Variants in TPGS2 observed in about 807,000 individuals in gnomAD.
TPGS2 encodes tubulin polyglutamylase complex subunit 2.
In TPGS2, 26 loss-of-function variants were observed where a neutral mutation model predicts 31.1. The ratio of observed to expected loss-of-function variants is 0.84; its 90% CI spans 0.61 to 1.16. TPGS2 has a LOEUF of 1.16. Among genes scored for constraint, TPGS2 ranks in the 50% most tolerant of loss-of-function variants. The pLI, the probability that TPGS2 is intolerant of heterozygous loss-of-function variation, is 0.00. For missense variants in TPGS2, 351 were observed against 363.8 expected (o/e 0.96, Z 0.29); for synonymous variants, 130 against 136.6 (o/e 0.95, Z 0.34).
Position 36,785,251 on chromosome 18 carries a change from A to G in TPGS2, c.658-2120T>C, listed in dbSNP as rs147016587. Among the ~76,000 whole-genome samples the G allele has an allele frequency of 0.029, 4,410 of 152,284 alleles. 509 individuals are homozygous for G. The East Asian group carries it at 0.35, about 12-fold the overall frequency. Reference sequence around the variant, plus strand: ...GAGGCAGAGGTTGCAGTGAGCCGAGATCGCGCCATTGCACTCCAGCCTGGG... The same window carrying G: ...GAGGCAGAGGTTGCAGTGAGCCGAGGTCGCGCCATTGCACTCCAGCCTGGG... On this transcript the variant is annotated intron_variant, in intron 6 of 6. Coordinates refer to the TPGS2 transcript ENST00000587129.
intron 1 of TPGS2, chr18:36,823,926 A>T: frequency 1.1e-6 from 1 of 919,602 alleles, no homozygotes; most frequent in Non-Finnish European, 1.3e-6. Flanking sequence ...CCTTTTTAAA[A>T]ATAGCTTTAC....
rs890722739 is a variant in TPGS2, at chr18:36,805,199, G to A, written c.382+175C>T. On this transcript the variant is annotated intron_variant, in intron 4 of 6. Coordinates refer to ENST00000334295, the MANE Select transcript of TPGS2 (RefSeq NM_015476.4). ...AAGAGCTTGGAGGTAAAAATGGAGA[G>A]GAAAGGAGCTGTATTTAGATTGTCA... Among the ~76,000 whole-genome samples, 3 of 152,216 alleles carry A rather than the reference G, an allele frequency of 2.0e-5. 1 individual carries two copies. The highest frequency in any genetic ancestry group is 7.2e-5 in the African/African-American group (3 of 41,458).
chr18:36,804,949 G>A (rs1338200121), intron 4 of TPGS2, among the ~76,000 whole-genome samples: 3 of 152,202 alleles, frequency 2.0e-5, no homozygotes, highest in Admixed American at 1.3e-4. Context: ...AAAGCCTGGT[G>A]CAGCACAATG....
chr18:36,783,096 C>G, exon 7 of TPGS2: 1 of 398,392 alleles, frequency 2.5e-6, no homozygotes. Context: ...TTAAATCCAC[C>G]GGAGGACTAG....
In TPGS2 at chr18:36,818,887, CACTT is replaced by C; in HGVS notation, c.165+3_165+6del. The C allele has an allele frequency of 6.2e-7, 1 of 1,612,890 alleles. No homozygotes were observed. Among genetic ancestry groups the C allele is most frequent in the South Asian group, 1.1e-5 (1 of 90,908 alleles). ...ATGGGAGGTAGAGTTCATGTGGCAA[CACTT>C]ACTTGTTCCCAGGAAGAAATCATAT... On this transcript the variant is annotated splice_donor_5th_base_variant and intron_variant, in intron 2 of 6. Coordinates refer to ENST00000334295, the MANE Select transcript of TPGS2 (RefSeq NM_015476.4).
At position 36,828,961 on chromosome 18, in the gene TPGS2, G is replaced by A. The variant is rs1256309879; in HGVS notation, c.-194C>T. ...GGCGCCGGTTCCCGCGGCCCCGCCC[G>A]GTGCCCCACACCGCACCTCCGGGAC... On this transcript the variant is annotated 5_prime_UTR_variant, in exon 1 of 7. Coordinates refer to ENST00000334295, the MANE Select transcript of TPGS2 (RefSeq NM_015476.4). The A allele has an allele frequency of 2.0e-6, 2 of 1,006,048 alleles. No individual in the cohort carries two copies. Among genetic ancestry groups the A allele is most frequent in the Non-Finnish European group, 1.4e-6 (1 of 719,250 alleles). 62.3% of individuals were successfully genotyped at this position (1,006,048 alleles called of 1,614,324 possible).
intron 4 of TPGS2, among the ~76,000 whole-genome samples, chr18:36,802,409 G>A (rs537166349): frequency 1.3e-5 from 2 of 152,166 alleles, no homozygotes; most frequent in South Asian, 2.1e-4. Flanking sequence ...TTCTTCCAGA[G>A]TACAGAGTAT....
intron 2 of TPGS2, 91 bp downstream of exon 2, chr18:36,818,803 A>C: frequency 1.7e-6 from 2 of 1,204,058 alleles, no homozygotes; most frequent in East Asian, 4.7e-5. Context: ...TGGTCTGAGT[A>C]AATATTCTTC....
intron 2 of TPGS2, among the ~76,000 whole-genome samples, chr18:36,815,854 A>AT (rs34164183): frequency 0.096 from 14,588 of 151,870 alleles, 2,403 homozygotes; most frequent in African/African-American, 0.33. Flanking sequence ...TTACTTACTT[A>AT]TTTTTTAAGA....
At chr18:36,800,693 C>CTTT (rs143440654) in intron 4 of TPGS2, among the ~76,000 whole-genome samples, 1 of 143,334 alleles carries the variant, frequency 7.0e-6, no homozygotes, top group Non-Finnish European at 1.5e-5. Flanking sequence ...ATCTTTCTTT[C>CTTT]TTTTTTTTTT....
intron 1 of TPGS2, chr18:36,823,876 G>A: frequency 1.0e-6 from 1 of 985,116 alleles, no homozygotes; most frequent in Non-Finnish European, 1.2e-6. Context: ...ACAGTCCTGT[G>A]GATTAGAGTA....
At chr18:36,800,551 G>A (rs2044755173) in intron 4 of TPGS2, among the ~76,000 whole-genome samples, 1 of 152,210 alleles carries the variant, frequency 6.6e-6, no homozygotes, top group African/African-American at 2.4e-5. Context: ...CTGGGAAAAG[G>A]AGGCATGAGA....
At chr18:36,816,375 C>T (rs1268346236) in intron 2 of TPGS2, among the ~76,000 whole-genome samples, 1 of 152,224 alleles carries the variant, frequency 6.6e-6, no homozygotes, top group Non-Finnish European at 1.5e-5. Context: ...AATGAAGAAA[C>T]TACAGTATAA....
At chr18:36,802,516 C>T (rs1047254594) in intron 4 of TPGS2, among the ~76,000 whole-genome samples, 1 of 151,962 alleles carries the variant, frequency 6.6e-6, no homozygotes, top group African/African-American at 2.4e-5. Flanking sequence ...ACAATGTCAC[C>T]GTTTTCAGTT....
chr18:36,798,511 G>A lies in TPGS2; in HGVS notation c.595C>T (p.His199Tyr). 1 of 1,614,218 alleles carries A rather than the reference G, an allele frequency of 6.2e-7. No individual in the cohort carries two copies. Among genetic ancestry groups the A allele is most frequent in the Non-Finnish European group, 8.5e-7 (1 of 1,180,038 alleles). ...FTAYYRLLIT[H>Y]LGLPQWQYAF... ...TATTGCCACTGGGGCAGGCCCAGGTGGGTGATGAGCAGGCGGTAATAGGCA... is the reference window on the plus strand; with the variant it reads ...TATTGCCACTGGGGCAGGCCCAGGTAGGTGATGAGCAGGCGGTAATAGGCA... Residue 199 changes from histidine (H) to tyrosine (Y), a missense_variant, in exon 6 of 7, where the codon CAC becomes TAC. Transcript: ENST00000334295.
chr18:36,823,704 C>T (rs1332176482), intron 1 of TPGS2: 1 of 320,264 alleles, frequency 3.1e-6, no homozygotes, highest in Non-Finnish European at 4.5e-6. Context: ...TCGTGATCTG[C>T]CCGCCTCGGC....
Position 36,795,079 on chromosome 18 carries a change from C to T in TPGS2, c.*1726G>A, listed in dbSNP as rs1241045844. On this transcript the variant is annotated 3_prime_UTR_variant, in exon 7 of 7. Transcript: ENST00000334295. ...GCAGCCAGTTAGAGCTTGCCCTGAT[C>T]CTTGAAGGCTAACTCTTCACCTTGG... The T allele has an allele frequency of 1.0e-6, 1 of 985,296 alleles. No homozygotes were observed. Among genetic ancestry groups the T allele is most frequent in the Admixed American group, 6.1e-5 (1 of 16,264 alleles). 61.0% of individuals were successfully genotyped at this position (985,296 alleles called of 1,614,324 possible). A position where few individuals can be genotyped will look rare whatever the true frequency, so the allele number is the denominator to read the frequency against.
At chr18:36,802,991 T>C (rs540025430) in intron 4 of TPGS2, among the ~76,000 whole-genome samples, 2 of 152,278 alleles carry the variant, frequency 1.3e-5, no homozygotes, top group Admixed American at 6.5e-5. Context: ...TTTTTAATTG[T>C]TTTATTTGAC....
chr18:36,805,622 C>G (rs1296182560), intron 3 of TPGS2, 120 bp from the exon 4 acceptor site: 2 of 1,345,522 alleles, frequency 1.5e-6, no homozygotes, highest in African/African-American at 2.9e-5. Context: ...GCTGACGAAT[C>G]TGATGGAAGG....
Sources: gnomAD v4.1 joint callset for allele counts (sites outside exome capture counted in the v4.1 genomes callset) on GRCh38, gnomAD v4.1.1 for gene constraint, MANE v1.5 for transcripts, NCBI Gene and HGNC (gene_info 2026-07-23, HGNC 2026-07-21) for gene names.